Variants in GPD1L observed in about 807,000 individuals in gnomAD.
GPD1L encodes glycerol-3-phosphate dehydrogenase 1-like protein.
Under a neutral mutation model 32.9 loss-of-function variants are expected in GPD1L, and 17 were observed. The ratio of observed to expected loss-of-function variants is 0.52; its 90% CI spans 0.35 to 0.78. The LOEUF is 0.78. Among genes scored for constraint, GPD1L ranks in the 30% least tolerant of loss-of-function variants. The pLI is 0.01. For synonymous variants in GPD1L, 187 were observed against 165.9 expected (o/e 1.13, Z -0.98); for missense variants, 361 against 447.8 (o/e 0.81, Z 1.75).
chr3:32,131,155 C>T (rs545295023), intron 2 of GPD1L, among the ~76,000 whole-genome samples: 1 of 152,146 alleles, frequency 6.6e-6, no homozygotes, highest in Non-Finnish European at 1.5e-5. Context: ...TCTTTTGCTT[C>T]CCTGTTCCAG....
chr3:32,164,065 C>T (rs754704071), intron 7 of GPD1L, among the ~76,000 whole-genome samples: 6 of 152,158 alleles, frequency 3.9e-5, no homozygotes, highest in African/African-American at 9.7e-5. Flanking sequence ...AAATCTTCCT[C>T]GAGAAACCTT....
At chr3:32,123,649 G>T (rs771601293) in intron 1 of GPD1L, among the ~76,000 whole-genome samples, 12 of 152,058 alleles carry the variant, frequency 7.9e-5, no homozygotes, top group Non-Finnish European at 1.6e-4. Flanking sequence ...CCTTGACCCA[G>T]CCATGTGAAG....
rs60269853 is a variant in GPD1L at position 32,165,523 on chromosome 3, G to A, written c.960-291G>A. The stretch of plus-strand genomic sequence containing the variant: ...GATTTGACCAAGAGTTGGAGCCACA[G>A]CTCCTATGTAAATGACAACAGTTTG... On this transcript the variant is annotated intron_variant, in intron 7 of 7. Transcript: ENST00000282541. Among the ~76,000 whole-genome samples, 60,256 of 151,952 alleles carry A rather than the reference G, an allele frequency of 0.4. 13,077 individuals are homozygous for A. The highest frequency in any genetic ancestry group is 0.6 in the East Asian group (3,098 of 5,158).
chr3:32,121,082 C>T lies in GPD1L; in HGVS notation c.48-6994C>T, dbSNP rs1325177613. Among the ~76,000 whole-genome samples, 9 of 152,104 alleles carry T rather than the reference C, an allele frequency of 5.9e-5. No homozygotes were observed. The East Asian group carries it at 1.2e-3, about 20-fold the overall frequency. ...TTGAAACAGTGCCTGACACCTGGTA[C>T]GCACCAAATTAGTGCTGTTTTTGCC... is the stretch of plus-strand genomic sequence containing the variant. On this transcript the variant is annotated intron_variant, in intron 1 of 7. Coordinates refer to ENST00000282541, the MANE Select transcript of GPD1L (RefSeq NM_015141.4).
chr3:32,140,389 C>T lies in GPD1L; in HGVS notation c.505+23C>T, dbSNP rs777309982. On this transcript the variant is annotated intron_variant, in intron 4 of 7. Transcript: ENST00000282541. The stretch of plus-strand genomic sequence containing the variant: ...TCGGTAAGCACTGCCTGGGAGGGAC[C>T]CCAGGAGTCTGGACATTTGATGTTT... The T allele has an allele frequency of 1.1e-5, 17 of 1,613,142 alleles. No homozygotes were observed. In the African/African-American group the frequency reaches 2.1e-4, roughly 20 times the overall value.
At chr3:32,143,997 A>G (rs1700785191) in intron 4 of GPD1L, among the ~76,000 whole-genome samples, 1 of 152,116 alleles carries the variant, frequency 6.6e-6, no homozygotes, top group African/African-American at 2.4e-5. Flanking sequence ...ATCAAAAAGG[A>G]GACATGAGCA....
At chr3:32,130,041 C>T in intron 2 of GPD1L, among the ~76,000 whole-genome samples, 1 of 152,084 alleles carries the variant, frequency 6.6e-6, no homozygotes, top group East Asian at 1.9e-4. Flanking sequence ...ACCCACAGTC[C>T]CTAGCACAGT....
At chr3:32,152,206 C>T (rs1477592940) in intron 5 of GPD1L, among the ~76,000 whole-genome samples, 2 of 152,156 alleles carry the variant, frequency 1.3e-5, no homozygotes, top group African/African-American at 4.8e-5. Flanking sequence ...TTTGGATTTT[C>T]AGATTAGGAA....
intron 4 of GPD1L, among the ~76,000 whole-genome samples, chr3:32,143,836 G>T (rs1050768998): frequency 1.3e-5 from 2 of 152,146 alleles, no homozygotes; most frequent in African/African-American, 4.8e-5. Flanking sequence ...ACAAAAATTA[G>T]CCAGGTGTGG....
At chr3:32,132,317 G>C (rs1448083725) in intron 2 of GPD1L, among the ~76,000 whole-genome samples, 1 of 152,172 alleles carries the variant, frequency 6.6e-6, no homozygotes, top group Non-Finnish European at 1.5e-5. Flanking sequence ...ATTATTTGTG[G>C]TTTGAATAAA....
At chr3:32,115,529 T>G (rs1276630585) in intron 1 of GPD1L, among the ~76,000 whole-genome samples, 1 of 152,114 alleles carries the variant, frequency 6.6e-6, no homozygotes, top group Admixed American at 6.5e-5. Context: ...CTCTACCCGG[T>G]TTTTCCAGTG....
chr3:32,138,765 T>A, intron 3 of GPD1L, 38 bp downstream of exon 3: 1 of 1,606,726 alleles, frequency 6.2e-7, no homozygotes, highest in Non-Finnish European at 8.5e-7. Flanking sequence ...TAGACATTGG[T>A]TATCAGGAAA....
chr3:32,164,321 C>G (rs1294958895), intron 7 of GPD1L, among the ~76,000 whole-genome samples: 5 of 152,336 alleles, frequency 3.3e-5, no homozygotes, highest in East Asian at 3.9e-4. Flanking sequence ...GGCTTTAAAT[C>G]CAATCCACAG....
intron 1 of GPD1L, among the ~76,000 whole-genome samples, chr3:32,116,084 G>C (rs768489234): frequency 6.6e-6 from 1 of 152,002 alleles, no homozygotes; most frequent in African/African-American, 2.4e-5. Flanking sequence ...CACCGTGCCC[G>C]GCCAGGTTGA....
chr3:32,131,612 C>T (rs1346579260), intron 2 of GPD1L, among the ~76,000 whole-genome samples: 1 of 152,140 alleles, frequency 6.6e-6, no homozygotes, highest in Non-Finnish European at 1.5e-5. Flanking sequence ...TGAATACGAT[C>T]CTGTTGTATG....
rs1701150706 is a variant in GPD1L, at chr3:32,166,601, G to A, written c.*691G>A. On this transcript the variant is annotated 3_prime_UTR_variant, in exon 8 of 8. Coordinates refer to ENST00000282541, the MANE Select transcript of GPD1L (RefSeq NM_015141.4). The stretch of plus-strand genomic sequence containing the variant: ...AATTCATCTGGGATTTTCCTGCTGT[G>A]GCTGGCACATTCTTCTGATTAACAG... 1 of 153,292 alleles carries A rather than the reference G, an allele frequency of 6.5e-6. No individual in the cohort carries two copies. Among genetic ancestry groups the A allele is most frequent in the Admixed American group, 6.5e-5 (1 of 15,448 alleles). 9.5% of individuals were successfully genotyped at this position (153,292 alleles called of 1,614,324 possible).
intron 1 of GPD1L, among the ~76,000 whole-genome samples, chr3:32,127,793 G>C (rs529096136): frequency 6.6e-6 from 1 of 152,096 alleles, no homozygotes; most frequent in Non-Finnish European, 1.5e-5. Flanking sequence ...TTTCTCTTCT[G>C]CCTGTGACGT....
chr3:32,111,170 G>T (rs1191149827), intron 1 of GPD1L, among the ~76,000 whole-genome samples: 2 of 152,184 alleles, frequency 1.3e-5, no homozygotes, highest in African/African-American at 4.8e-5. Context: ...CTGGCCCAAA[G>T]TTTCTTTCTT....
chr3:32,146,761 C>T, intron 5 of GPD1L, 27 bp downstream of exon 5: 1 of 1,315,020 alleles, frequency 7.6e-7, no homozygotes, highest in Non-Finnish European at 1.1e-6. Context: ...GGGAGGAGTT[C>T]ATCAAGCAAG....
Sources: gnomAD v4.1 joint callset for allele counts (sites outside exome capture counted in the v4.1 genomes callset) on GRCh38, gnomAD v4.1.1 for gene constraint, MANE v1.5 for transcripts, NCBI Gene and HGNC (gene_info 2026-07-23, HGNC 2026-07-21) for gene names.